The following VCL variants were observed in gnomAD, a reference collection of about 807,000 sequenced individuals.
VCL encodes the protein epididymis luminal protein 114.
Under a neutral mutation model 125.7 loss-of-function variants are expected in VCL, and 47 were observed. The observed-to-expected ratio is 0.37, with a 90% confidence interval of 0.30 to 0.48. The LOEUF is 0.48. Ranked by LOEUF, VCL falls within the 20% of genes least tolerant of loss-of-function variation. The pLI is 0.99. For missense variants in VCL, 1,069 were observed against 1,455.5 expected, an observed-to-expected ratio of 0.73 and a Z score of 4.32; for synonymous variants, 458 against 514.6, an observed-to-expected ratio of 0.89 and a Z score of 1.49.
chr10:74,065,664 A>G (rs1032664719), intron 2 of VCL, among the ~76,000 whole-genome samples: 11 of 151,480 alleles, frequency 7.3e-5, no homozygotes, highest in African/African-American at 2.7e-4. Context: ...CGCCTGGGCA[A>G]CAGACCGAGA....
intron 16 of VCL, among the ~76,000 whole-genome samples, chr10:74,105,681 C>T (rs751956002): frequency 2.6e-5 from 4 of 152,114 alleles, no homozygotes; most frequent in Non-Finnish European, 4.4e-5. Context: ...CTCAGCCTCC[C>T]GAGTAGCTGG....
intron 6 of VCL, chr10:74,077,537 T>G (rs1839609499): frequency 5.4e-6 from 1 of 185,460 alleles, no homozygotes; most frequent in East Asian, 1.6e-4. Flanking sequence ...GCATCTTTCA[T>G]TGCTCCACTG....
chr10:74,054,321 GT>G (rs1239692331), intron 2 of VCL, among the ~76,000 whole-genome samples: 2 of 152,138 alleles, frequency 1.3e-5, no homozygotes, highest in Non-Finnish European at 2.9e-5. Flanking sequence ...TTGTTAGGTG[GT>G]TACAAGTTTG....
Position 74,091,114 on chromosome 10 carries a change from A to T in VCL, c.1352+916A>T, listed in dbSNP as rs1018059048. On this transcript the variant is annotated intron_variant, in intron 10 of 21. Coordinates refer to ENST00000211998, the MANE Select transcript of VCL (RefSeq NM_014000.3). ...CTGCACCTAACTGCTTTCTTCTTTC[A>T]ATAGATATTTTTCACTTTTAAGAAA... 1.1e-4 allele frequency among the ~76,000 whole-genome samples: 17 copies of T among 152,164 alleles called. 1 individual carries two copies. The highest frequency in any genetic ancestry group is 4.1e-4 in the African/African-American group (17 of 41,446).
Position 74,114,912 on chromosome 10 carries a change from T to C in VCL, c.3258+13T>C. ...GGAGTCTGAGCAGGTATGTGGCAGC[T>C]GTTTTTGGTTTCTGGCTGGCAGCTT... On this transcript the variant is annotated intron_variant, in intron 21 of 21. Transcript: ENST00000211998. 2.5e-6 allele frequency: 4 copies of C among 1,575,466 alleles called. No individual in the cohort carries two copies. The highest frequency in any genetic ancestry group is 3.4e-6 in the Non-Finnish European group (4 of 1,159,602).
intron 1 of VCL, among the ~76,000 whole-genome samples, chr10:74,015,737 T>G (rs1354643968): frequency 6.6e-6 from 1 of 151,474 alleles, no homozygotes; most frequent in African/African-American, 2.4e-5. Flanking sequence ...CAGGCTAGAG[T>G]GCAGTGGTGC....
chr10:74,090,140 C>G lies in VCL; in HGVS notation c.1294C>G (p.Leu432Val), dbSNP rs144146254. 3.2e-4 allele frequency: 516 copies of G among 1,614,176 alleles called. No homozygotes were observed. Among genetic ancestry groups the G allele is most frequent in the Non-Finnish European group, 4.1e-4 (485 of 1,180,028 alleles). Residue 432 changes from leucine (L) to valine (V), a missense_variant, in exon 10 of 22, where the codon CTA (leucine) becomes GTA (valine). By Grantham distance (32) the Leu-to-Val change is conservative (BLOSUM62 1). This residue lies in a region of VCL where 760 missense variants were observed against 928.9 expected (regional missense o/e 0.82). Transcript: ENST00000211998. ...CDDPKERDDI[L>V]RSLGEISALT... is the part of the protein sequence containing the mutation. ...TGATCCTAAAGAAAGAGATGACATT[C>G]TACGTTCCCTTGGGGAAATATCTGC...
chr10:74,094,523 T>G (rs1046748114), intron 11 of VCL, 62 bp downstream of exon 11: 30 of 1,562,428 alleles, frequency 1.9e-5, no homozygotes, highest in South Asian at 5.8e-5. Context: ...AGCAAGTTGT[T>G]GATAGGGGTC....
rs1839993463 is a variant in VCL, at chr10:74,097,733, T to G, written c.1872+401T>G. On this transcript the variant is annotated intron_variant, in intron 13 of 21. Coordinates refer to ENST00000211998, the MANE Select transcript of VCL (RefSeq NM_014000.3). This position sits in a 1 kb window ranked among gnomAD's most constrained non-coding sequence, Gnocchi z 4.1. ...AGGAAGAAATGAAGAATGGGGGTAC[T>G]CCAGTCACAACTGTGCCTTTCGAGT... Among the ~76,000 whole-genome samples the G allele has an allele frequency of 6.6e-6, 1 of 152,184 alleles. No individual in the cohort carries two copies. The highest frequency in any genetic ancestry group is 2.1e-4 in the South Asian group (1 of 4,832).
At chr10:74,027,128 G>C (rs924817542) in intron 1 of VCL, among the ~76,000 whole-genome samples, 1 of 152,160 alleles carries the variant, frequency 6.6e-6, no homozygotes, top group African/African-American at 2.4e-5. Context: ...AAGCACGTTC[G>C]GTTAGAGGGC....
intron 1 of VCL, among the ~76,000 whole-genome samples, chr10:74,027,282 A>G (rs1292516715): frequency 6.6e-6 from 1 of 151,796 alleles, no homozygotes; most frequent in East Asian, 1.9e-4. Context: ...TCTGTTGGCA[A>G]TATTTAGCTT....
At chr10:74,033,784 T>G (rs760985949) in intron 1 of VCL, among the ~76,000 whole-genome samples, 1 of 152,172 alleles carries the variant, frequency 6.6e-6, no homozygotes, top group Non-Finnish European at 1.5e-5. Context: ...AATATCCCAG[T>G]GCTAATTACT....
rs530047695 is a variant in VCL at position 74,033,734 on chromosome 10, G to A, written c.169-9349G>A. On this transcript the variant is annotated intron_variant, in intron 1 of 21. Coordinates refer to ENST00000211998, the MANE Select transcript of VCL (RefSeq NM_014000.3). ...TTTCTAGTCCCGGTAAGTGAACTGA[G>A]GAACCATCTTTTCAGTTGCTTATTG... is the stretch of plus-strand genomic sequence containing the variant. 3.3e-5 allele frequency among the ~76,000 whole-genome samples: 5 copies of A among 152,232 alleles called. No homozygotes were observed. The South Asian group carries it at 1.0e-3, about 32-fold the overall frequency.
At chr10:74,034,905 G>A (rs1199236388) in intron 1 of VCL, among the ~76,000 whole-genome samples, 1 of 152,210 alleles carries the variant, frequency 6.6e-6, no homozygotes, top group East Asian at 1.9e-4. Context: ...ACTGGGCACA[G>A]CTGCAATCAG....
intron 6 of VCL, 118 bp from the exon 7 acceptor site, chr10:74,082,336 C>T (rs1591695130): frequency 1.1e-5 from 12 of 1,046,476 alleles, no homozygotes; most frequent in African/African-American, 3.1e-5. Flanking sequence ...TTAAGGCCTT[C>T]GTAGGACTGA....
Position 74,119,043 on chromosome 10 carries a change from T to C in VCL, c.*874T>C, listed in dbSNP as rs1840355387. The C allele has an allele frequency of 1.3e-5, 2 of 152,724 alleles. No individual in the cohort carries two copies. Among genetic ancestry groups the C allele is most frequent in the South Asian group, 4.1e-4 (2 of 4,828 alleles). The allele number at this position is 152,724 out of a possible 1,614,324, so 9.5% of individuals were successfully genotyped here. On this transcript the variant is annotated 3_prime_UTR_variant, in exon 22 of 22. Transcript: ENST00000211998. Reference sequence around the variant, plus strand: ...CAGCAGGGCCACTCCCGGCACTCCATGCTTAGTCACTGCCTGCAGAGGTCT... The same window carrying C: ...CAGCAGGGCCACTCCCGGCACTCCACGCTTAGTCACTGCCTGCAGAGGTCT...
chr10:74,067,098 A>G (rs543008460), intron 2 of VCL, among the ~76,000 whole-genome samples: 3 of 152,332 alleles, frequency 2.0e-5, no homozygotes, highest in Admixed American at 1.3e-4. Flanking sequence ...AATTAACACT[A>G]TATTGAATAA....
intron 1 of VCL, among the ~76,000 whole-genome samples, chr10:74,014,580 C>T (rs1012521274): frequency 6.6e-6 from 1 of 150,442 alleles, no homozygotes; most frequent in Non-Finnish European, 1.5e-5. Context: ...AAAAGCAAAA[C>T]GAAAATCCCA....
At chr10:74,063,563 T>C (rs1841513558) in intron 2 of VCL, 1 of 152,246 alleles carries the variant, frequency 6.6e-6, no homozygotes, top group Non-Finnish European at 1.5e-5. Flanking sequence ...AGTGAAATAA[T>C]GCCCTCAGTT....
Sources: allele counts gnomAD v4.1 joint callset (sites outside exome capture counted in the v4.1 genomes callset), GRCh38; gene constraint gnomAD v4.1.1; regional missense constraint gnomAD v4.1.1; non-coding constraint Gnocchi (gnomAD v3.1); transcripts MANE v1.5; gene names NCBI Gene and HGNC (gene_info 2026-07-23, HGNC 2026-07-21).